ANOS1: variants seen among roughly 807,000 people sequenced by gnomAD.
ANOS1 encodes the protein anosmin-1.
ANOS1 carries 6 observed loss-of-function variants against 59.0 expected under a neutral mutation model. The ratio of observed to expected loss-of-function variants is 0.10; its 90% CI spans 0.06 to 0.20. ANOS1 has a LOEUF of 0.20. Ranked by LOEUF, ANOS1 falls within the 10% of genes least tolerant of loss-of-function variation. ANOS1 has a pLI of 1.00. For missense variants in ANOS1, 433 were observed against 542.3 expected (o/e 0.80, Z 2.00); for synonymous variants, 217 against 223.4 (o/e 0.97, Z 0.25).
intron 2 of ANOS1, among the ~76,000 whole-genome samples, chrX:8,670,388 G>C (rs1233367334): frequency 9.0e-6 from 1 of 111,201 alleles, no homozygotes; most frequent in Admixed American, 9.6e-5. Flanking sequence ...CCGAGAGTTG[G>C]GATTGGAATT....
At chrX:8,627,919 A>G (rs144424634) in intron 2 of ANOS1, among the ~76,000 whole-genome samples, 1 of 111,068 alleles carries the variant, frequency 9.0e-6, no homozygotes, top group Non-Finnish European at 1.9e-5. Flanking sequence ...TATCTTGAAC[A>G]GGGGCTGGGT....
chrX:8,546,099 T>C (rs1430259715), intron 9 of ANOS1, among the ~76,000 whole-genome samples: 1 of 112,137 alleles, frequency 8.9e-6, no homozygotes, highest in African/African-American at 3.2e-5. Flanking sequence ...TGTGCTGATA[T>C]TCACATTCCG....
intron 1 of ANOS1, among the ~76,000 whole-genome samples, chrX:8,714,522 G>A (rs957845878): frequency 9.0e-6 from 1 of 110,886 alleles, no homozygotes; most frequent in Non-Finnish European, 1.9e-5. Flanking sequence ...TTGAAAAAAC[G>A]TACCGTGCCC....
rs780012246 is a variant in ANOS1 at position 8,641,453 on chromosome X, T to C, written c.256-17783A>G. On this transcript the variant is annotated intron_variant, in intron 2 of 13. Transcript: ENST00000262648. The stretch of plus-strand genomic sequence containing the variant: ...CAGCAAAGTGGATGATATTATTCCA[T>C]CAATATTTTAAAAAGAAAAACAGTA... 9.8e-5 allele frequency among the ~76,000 whole-genome samples: 11 copies of C among 112,143 alleles called. No individual in the cohort carries two copies. The East Asian group carries it at 3.1e-3, about 31-fold the overall frequency.
chrX:8,637,599 T>C (rs1255868694), intron 2 of ANOS1, among the ~76,000 whole-genome samples: 6 of 112,216 alleles, frequency 5.3e-5, no homozygotes. Flanking sequence ...GCACTTGAAA[T>C]GTGGCCAATG....
chrX:8,558,924 A>C (rs1307966419), intron 8 of ANOS1, among the ~76,000 whole-genome samples: 1 of 112,480 alleles, frequency 8.9e-6, no homozygotes. Flanking sequence ...AGGCAACAGT[A>C]CATCAGGTTG....
intron 2 of ANOS1, among the ~76,000 whole-genome samples, chrX:8,655,034 G>A (rs1397734551): frequency 1.8e-5 from 2 of 109,788 alleles, no homozygotes; most frequent in Non-Finnish European, 3.8e-5. Flanking sequence ...CTGGTTTTGT[G>A]GAATATATTT....
intron 6 of ANOS1, among the ~76,000 whole-genome samples, chrX:8,581,579 G>C (rs1165876566): frequency 9.0e-6 from 1 of 111,665 alleles, no homozygotes; most frequent in African/African-American, 3.3e-5. Context: ...TTTCCGTAAA[G>C]ATGCATCACA....
chrX:8,553,133 A>G (rs1025743008), intron 9 of ANOS1, among the ~76,000 whole-genome samples: 2 of 110,265 alleles, frequency 1.8e-5, no homozygotes, highest in Non-Finnish European at 1.9e-5. Context: ...AGAGTGATAA[A>G]GATAAAAGAC....
intron 2 of ANOS1, among the ~76,000 whole-genome samples, chrX:8,666,896 C>T (rs1932149134): frequency 9.0e-6 from 1 of 111,027 alleles, no homozygotes; most frequent in African/African-American, 3.3e-5. Context: ...TTGAGGGGGG[C>T]CCAGACAACA....
intron 2 of ANOS1, among the ~76,000 whole-genome samples, chrX:8,625,789 G>A (rs1209539330): frequency 9.0e-6 from 1 of 111,111 alleles, no homozygotes; most frequent in Non-Finnish European, 1.9e-5. Context: ...AAGTTCTACT[G>A]AAAATTCTGA....
intron 2 of ANOS1, among the ~76,000 whole-genome samples, chrX:8,698,649 T>C (rs893095042): frequency 9.0e-6 from 1 of 111,616 alleles, no homozygotes; most frequent in South Asian, 3.7e-4. Context: ...TAACCAGGCA[T>C]TTCATTCCTG....
At position 8,536,187 on chromosome X, in the gene ANOS1, G is replaced by GGTTTTTTTTT. The variant is rs1569252182; in HGVS notation, c.1622-377_1622-376insAAAAAAAAAC. Among the ~76,000 whole-genome samples, 5 of 32,019 alleles carry GGTTTTTTTTT rather than the reference G, an allele frequency of 1.6e-4. No individual in the cohort carries two copies. The East Asian group carries it at 6.2e-3, about 39-fold the overall frequency. 27.8% of individuals were successfully genotyped at this position (32,019 alleles called of 115,157 possible). A position where few individuals can be genotyped will look rare whatever the true frequency, so the allele number is the denominator to read the frequency against. On this transcript the variant is annotated intron_variant, in intron 11 of 13. Transcript: ENST00000262648. The stretch of plus-strand genomic sequence containing the variant: ...TGTTAGAAGAGTTATTAAATCCGAA[G>GGTTTTTTTTT]CTTTTTTTTTTTTTTTTTTTTTTTT...
chrX:8,685,604 G>A (rs1932502767), intron 2 of ANOS1, among the ~76,000 whole-genome samples: 1 of 65,696 alleles, frequency 1.5e-5, no homozygotes. Context: ...AAGGAAGAAA[G>A]AAAGAAAGAA....
At chrX:8,649,839 A>C (rs1931821998) in intron 2 of ANOS1, among the ~76,000 whole-genome samples, 1 of 112,561 alleles carries the variant, frequency 8.9e-6, no homozygotes, top group African/African-American at 3.2e-5. Flanking sequence ...TGGATTTCCC[A>C]GGAAGCCAAT....
In ANOS1 at chrX:8,725,581, G is replaced by GAT. The variant is rs765778638; in HGVS notation, c.207+6247_207+6248dup. On this transcript the variant is annotated intron_variant, in intron 1 of 13. Coordinates refer to ENST00000262648, the MANE Select transcript of ANOS1 (RefSeq NM_000216.4). The stretch of plus-strand genomic sequence containing the variant: ...ATATATACAGATATACATATATACA[G>GAT]ATATATATATACAGATATATATATA... Among the ~76,000 whole-genome samples, 14 of 75,110 alleles carry GAT rather than the reference G, an allele frequency of 1.9e-4. 1 individual carries two copies. Among genetic ancestry groups the GAT allele is most frequent in the African/African-American group, 6.6e-4 (12 of 18,179 alleles). 65.2% of individuals were successfully genotyped at this position (75,110 alleles called of 115,157 possible). A position where few individuals can be genotyped will look rare whatever the true frequency, so the allele number is the denominator to read the frequency against.
chrX:8,605,312 A>G (rs1930919284), intron 3 of ANOS1, among the ~76,000 whole-genome samples: 1 of 111,527 alleles, frequency 9.0e-6, no homozygotes, highest in Admixed American at 9.6e-5. Context: ...ATTCAATACA[A>G]GAGCATGAAG....
At chrX:8,639,544 T>C (rs1346999093) in intron 2 of ANOS1, among the ~76,000 whole-genome samples, 1 of 111,986 alleles carries the variant, frequency 8.9e-6, no homozygotes, top group African/African-American at 3.2e-5. Context: ...TTATTTCTAA[T>C]GTCACTGAAT....
At chrX:8,562,994 A>G (rs1162260346) in intron 8 of ANOS1, among the ~76,000 whole-genome samples, 1 of 112,460 alleles carries the variant, frequency 8.9e-6, no homozygotes, top group Admixed American at 9.4e-5. Flanking sequence ...TTGGTTCATG[A>G]TGAAATATAT....
Sources: gnomAD v4.1 joint callset for allele counts (sites outside exome capture counted in the v4.1 genomes callset) on GRCh38, gnomAD v4.1.1 for gene constraint, MANE v1.5 for transcripts, NCBI Gene and HGNC (gene_info 2026-07-23, HGNC 2026-07-21) for gene names.